ABCC4: variants seen among roughly 807,000 people sequenced by gnomAD.
ABCC4 encodes ATP binding cassette subfamily C member 4 (PEL blood group).
A neutral mutation model predicts 168.5 loss-of-function variants in ABCC4; 102 were observed. That is an observed-to-expected ratio of 0.61 (90% CI 0.52 to 0.71). The LOEUF (loss-of-function observed/expected upper bound fraction) is 0.71. Ranked by LOEUF, ABCC4 falls within the 30% of genes least tolerant of loss-of-function variation. The pLI is 0.00. For missense variants in ABCC4, 1,402 were observed against 1,605.8 expected, an observed-to-expected ratio of 0.87 and a Z score of 2.17; for synonymous variants, 617 against 590.7, an observed-to-expected ratio of 1.04 and a Z score of -0.65.
In ABCC4 at chr13:95,115,793, G is replaced by A. The variant is rs1202610890; in HGVS notation, c.2535+129C>T. ...AACCGCACCTTTCTTTTACAAACAT[G>A]GCCCTTTATTAAGTTAACATTACAC... On this transcript the variant is annotated intron_variant, in intron 20 of 30. Transcript: ENST00000645237. The A allele has an allele frequency of 1.2e-5, 9 of 720,770 alleles. No individual in the cohort carries two copies. In the East Asian group the frequency reaches 2.3e-4, roughly 18 times the overall value. The allele number at this position is 720,770 out of a possible 1,614,324, so 44.6% of individuals were successfully genotyped here.
intron 27 of ABCC4, among the ~76,000 whole-genome samples, chr13:95,048,941 T>A (rs2032709461): frequency 2.0e-5 from 3 of 152,240 alleles, no homozygotes; most frequent in Non-Finnish European, 4.4e-5. Flanking sequence ...GTTGCTCTTA[T>A]TTAGGGGCCC....
Position 95,043,701 on chromosome 13 carries a change from A to G in ABCC4, c.3716T>C (p.Ile1239Thr). The change falls in exon 29 of 31, where the codon ATT (isoleucine) becomes ACT (threonine). Residue 1239 changes from isoleucine (I) to threonine (T), a missense_variant. By Grantham distance (89) the Ile-to-Thr change is moderately conservative (BLOSUM62 -1). Around this residue, in one of 3 missense-constraint regions of ABCC4, gnomAD observed 1,007 missense variants for 1,127.3 expected, o/e 0.89. Coordinates refer to ENST00000645237, the MANE Select transcript of ABCC4 (RefSeq NM_005845.5). The stretch of plus-strand genomic sequence containing the variant: ...ACTCACCATTATCTTGTCGCTGTCA[A>G]TAATGGTGTTCAATCTGTGTGCAAT... ...LTIAHRLNTIIDSDKIMVLDS... is the reference protein window; with the variant it reads ...LTIAHRLNTITDSDKIMVLDS... 5 of 1,613,502 alleles carry G rather than the reference A, an allele frequency of 3.1e-6. No homozygotes were observed. Among genetic ancestry groups the G allele is most frequent in the Non-Finnish European group, 4.2e-6 (5 of 1,179,592 alleles).
intron 4 of ABCC4, among the ~76,000 whole-genome samples, chr13:95,232,512 A>T (rs1415076757): frequency 6.6e-6 from 1 of 152,074 alleles, no homozygotes; most frequent in Non-Finnish European, 1.5e-5. Context: ...CCACGTCTCT[A>T]CTAAAAATAC....
intron 11 of ABCC4, among the ~76,000 whole-genome samples, chr13:95,184,700 T>G (rs1594254543): frequency 6.6e-6 from 1 of 152,308 alleles, no homozygotes; most frequent in Admixed American, 6.5e-5. Context: ...AGGACCTCAC[T>G]TCTAACCTGT....
At chr13:95,287,937 G>A (rs919476946) in intron 1 of ABCC4, among the ~76,000 whole-genome samples, 10 of 151,870 alleles carry the variant, frequency 6.6e-5, no homozygotes, top group Admixed American at 5.3e-4. Flanking sequence ...AGCTACTCGG[G>A]AGGCTGAGGC....
At chr13:95,185,139 T>C (rs1301131759) in intron 11 of ABCC4, among the ~76,000 whole-genome samples, 2 of 152,064 alleles carry the variant, frequency 1.3e-5, no homozygotes, top group Non-Finnish European at 2.9e-5. Context: ...AGGCTAGCAA[T>C]ATCAGAAAAA....
At chr13:95,176,127 C>T (rs2037676115) in intron 13 of ABCC4, among the ~76,000 whole-genome samples, 1 of 149,314 alleles carries the variant, frequency 6.7e-6, no homozygotes, top group African/African-American at 2.5e-5. Context: ...CCTTTCCAAT[C>T]TCTGCTGCCC....
At chr13:95,201,087 CATG>C (rs2139660441) in intron 8 of ABCC4, among the ~76,000 whole-genome samples, 1 of 152,240 alleles carries the variant, frequency 6.6e-6, no homozygotes, top group South Asian at 2.1e-4. Context: ...AAACTATGTA[CATG>C]AGGGGAAATT....
At chr13:95,217,157 C>T (rs2039138816) in intron 4 of ABCC4, among the ~76,000 whole-genome samples, 1 of 152,178 alleles carries the variant, frequency 6.6e-6, no homozygotes. Context: ...GAAAACTGTA[C>T]TATCTAGAAC....
Position 95,164,362 on chromosome 13 carries a change from A to T in ABCC4, c.2175+16T>A, listed in dbSNP as rs779292113. 1 of 1,613,890 alleles carries T rather than the reference A, an allele frequency of 6.2e-7. No individual in the cohort carries two copies. Among genetic ancestry groups the T allele is most frequent in the East Asian group, 2.2e-5 (1 of 44,858 alleles). On this transcript the variant is annotated intron_variant, in intron 16 of 30. Coordinates refer to ENST00000645237, the MANE Select transcript of ABCC4 (RefSeq NM_005845.5). ...AAATATCATTTTGAGGGCGCAAAAC[A>T]AATGTCATTATTTACCTGAGCTGCA...
intron 11 of ABCC4, among the ~76,000 whole-genome samples, chr13:95,183,129 A>G (rs2037952834): frequency 6.8e-6 from 1 of 147,662 alleles, no homozygotes. Context: ...GAGGAACTAT[A>G]TAAGGCAAAA....
intron 1 of ABCC4, among the ~76,000 whole-genome samples, chr13:95,280,173 C>T (rs1594433475): frequency 6.6e-6 from 1 of 151,844 alleles, no homozygotes; most frequent in African/African-American, 2.4e-5. Context: ...GGCTAAGGCT[C>T]GGGAGGCCAA....
At chr13:95,295,730 CAAG>C (rs2041513376) in intron 1 of ABCC4, among the ~76,000 whole-genome samples, 1 of 151,994 alleles carries the variant, frequency 6.6e-6, no homozygotes, top group Middle Eastern at 3.4e-3. Flanking sequence ...TTTGGGAGGC[CAAG>C]GAGGGCGGAT....
intron 13 of ABCC4, 122 bp downstream of exon 13, chr13:95,177,585 G>A (rs936753355): frequency 1.5e-6 from 1 of 684,828 alleles, no homozygotes; most frequent in Non-Finnish European, 2.4e-6. Context: ...GGAAGCAGGG[G>A]ACAGTGTGGG....
At chr13:95,031,402 AG>A (rs1275116955) in intron 30 of ABCC4, among the ~76,000 whole-genome samples, 1 of 152,186 alleles carries the variant, frequency 6.6e-6, no homozygotes, top group East Asian at 1.9e-4. Flanking sequence ...AACGCTACTT[AG>A]GGGAAGACAT....
intron 8 of ABCC4, among the ~76,000 whole-genome samples, chr13:95,200,203 G>A (rs1205097110): frequency 6.6e-6 from 1 of 152,202 alleles, no homozygotes; most frequent in Non-Finnish European, 1.5e-5. Flanking sequence ...ACATTGTAGA[G>A]TCAATGACTA....
At chr13:95,253,612 G>A in intron 1 of ABCC4, among the ~76,000 whole-genome samples, 1 of 152,012 alleles carries the variant, frequency 6.6e-6, no homozygotes, top group Non-Finnish European at 1.5e-5. Flanking sequence ...GGGCGTGGTG[G>A]AGGACACCCG....
intron 4 of ABCC4, among the ~76,000 whole-genome samples, chr13:95,223,382 T>C (rs1323717938): frequency 3.4e-5 from 5 of 148,156 alleles, no homozygotes; most frequent in Non-Finnish European, 7.4e-5. Flanking sequence ...GGCACACACA[T>C]TGGATTTTAA....
At chr13:95,063,081 C>G (rs1468856643) in intron 25 of ABCC4, among the ~76,000 whole-genome samples, 1 of 152,134 alleles carries the variant, frequency 6.6e-6, no homozygotes, top group Non-Finnish European at 1.5e-5. Flanking sequence ...GCTAGCATCC[C>G]TGGACCCTAC....
Sources: gnomAD v4.1 joint callset for allele counts (sites outside exome capture counted in the v4.1 genomes callset) on GRCh38, gnomAD v4.1.1 for gene constraint, gnomAD v4.1.1 regional missense constraint, MANE v1.5 for transcripts, NCBI Gene and HGNC (gene_info 2026-07-23, HGNC 2026-07-21) for gene names.